CNTNAP2: variants seen among roughly 807,000 people sequenced by gnomAD.
CNTNAP2 encodes the protein contactin associated protein 2.
CNTNAP2 carries 98 observed loss-of-function variants against 155.2 expected under a neutral mutation model. That is an observed-to-expected ratio of 0.63 (90% CI 0.54 to 0.75). CNTNAP2 has a LOEUF of 0.75. Ranked by LOEUF, CNTNAP2 falls within the 30% of genes least tolerant of loss-of-function variation. The pLI, the probability that CNTNAP2 is intolerant of heterozygous loss-of-function variation, is 0.00. For missense variants in CNTNAP2, 1,727 were observed against 1,688.1 expected (o/e 1.02, Z -0.40); for synonymous variants, 651 against 631.2 (o/e 1.03, Z -0.47).
intron 11 of CNTNAP2, among the ~76,000 whole-genome samples, chr7:147,536,654 C>T (rs1799545093): frequency 6.6e-6 from 1 of 152,138 alleles, no homozygotes; most frequent in Admixed American, 6.5e-5. Flanking sequence ...GGAGAGGAGT[C>T]CTGGAGAGGG....
rs1288618662 is a variant in CNTNAP2 at position 147,698,436 on chromosome 7, T to C, written c.2098+59130T>C. 1.3e-5 allele frequency among the ~76,000 whole-genome samples: 2 copies of C among 152,220 alleles called. 1 individual carries two copies. Among genetic ancestry groups the C allele is most frequent in the South Asian group, 4.1e-4 (2 of 4,834 alleles). On this transcript the variant is annotated intron_variant, in intron 13 of 23. Coordinates refer to ENST00000361727, the MANE Select transcript of CNTNAP2 (RefSeq NM_014141.6). ...ATTTAAACATCTATTATTGATAGAT[T>C]TGTTTTAAAATAATGTCAGTTACCA...
intron 11 of CNTNAP2, among the ~76,000 whole-genome samples, chr7:147,556,647 G>A (rs1163253336): frequency 6.6e-6 from 1 of 152,110 alleles, no homozygotes; most frequent in Non-Finnish European, 1.5e-5. Flanking sequence ...AATGTGTGTG[G>A]CCTCTATAAT....
intron 3 of CNTNAP2, among the ~76,000 whole-genome samples, chr7:146,983,398 G>A (rs1798055817): frequency 6.6e-6 from 1 of 151,902 alleles, no homozygotes; most frequent in Non-Finnish European, 1.5e-5. Context: ...TTGAAAAAAG[G>A]TACACAATTT....
chr7:147,524,168 G>A (rs1204446117), intron 11 of CNTNAP2, among the ~76,000 whole-genome samples: 1 of 152,134 alleles, frequency 6.6e-6, no homozygotes, highest in Non-Finnish European at 1.5e-5. Context: ...ATAGTGCTTT[G>A]GTTTTTCTTT....
At chr7:147,896,497 TA>T in intron 13 of CNTNAP2, among the ~76,000 whole-genome samples, 1 of 152,250 alleles carries the variant, frequency 6.6e-6, no homozygotes, top group East Asian at 1.9e-4. Context: ...TCAGAGTTTT[TA>T]AGGACAACTT....
chr7:146,768,637 G>A (rs1802241241), intron 1 of CNTNAP2, among the ~76,000 whole-genome samples: 1 of 151,888 alleles, frequency 6.6e-6, no homozygotes, highest in African/African-American at 2.4e-5. Flanking sequence ...AGAGTGATGT[G>A]TTCAACTCAG....
At chr7:147,834,155 C>T (rs1391435613) in intron 13 of CNTNAP2, among the ~76,000 whole-genome samples, 1 of 152,166 alleles carries the variant, frequency 6.6e-6, no homozygotes, top group Admixed American at 6.6e-5. Flanking sequence ...GGGAACAATA[C>T]ACCCTTTTTC....
intron 3 of CNTNAP2, among the ~76,000 whole-genome samples, chr7:146,911,856 A>T (rs1796290286): frequency 6.6e-6 from 1 of 152,192 alleles, no homozygotes; most frequent in African/African-American, 2.4e-5. Flanking sequence ...CAAGAACATT[A>T]TAACCATTAT....
intron 8 of CNTNAP2, among the ~76,000 whole-genome samples, chr7:147,271,384 ACT>A (rs1804750553): frequency 1.3e-5 from 2 of 151,540 alleles, no homozygotes; most frequent in African/African-American, 4.9e-5. Context: ...GAGTGTAAAA[ACT>A]CTCACAGTCT....
At chr7:147,028,072 G>A (rs938386584) in intron 3 of CNTNAP2, among the ~76,000 whole-genome samples, 5 of 152,176 alleles carry the variant, frequency 3.3e-5, no homozygotes, top group African/African-American at 4.8e-5. Context: ...ATGAGACCTC[G>A]TAGAAGGAGG....
chr7:147,489,751 G>C (rs1012508265), intron 11 of CNTNAP2, among the ~76,000 whole-genome samples: 2 of 152,122 alleles, frequency 1.3e-5, no homozygotes, highest in Admixed American at 6.5e-5. Context: ...AAGTAGCTGG[G>C]ACTACAGGCA....
chr7:146,578,654 A>G (rs1798562376), intron 1 of CNTNAP2, among the ~76,000 whole-genome samples: 1 of 152,106 alleles, frequency 6.6e-6, no homozygotes, highest in Non-Finnish European at 1.5e-5. Context: ...AATATCTCCC[A>G]AACTTCATTT....
chr7:146,307,702 C>T (rs1800740170), intron 1 of CNTNAP2, among the ~76,000 whole-genome samples: 2 of 152,108 alleles, frequency 1.3e-5, no homozygotes, highest in South Asian at 4.1e-4. Flanking sequence ...TGATCTTTGA[C>T]AAACCTGACA....
chr7:147,217,381 G>A (rs1803298410), intron 8 of CNTNAP2, among the ~76,000 whole-genome samples: 1 of 151,640 alleles, frequency 6.6e-6, no homozygotes, highest in South Asian at 2.1e-4. Context: ...TTTTTTTTCA[G>A]ATAATTTCTC....
At chr7:147,761,007 C>A (rs1797290928) in intron 13 of CNTNAP2, among the ~76,000 whole-genome samples, 1 of 152,156 alleles carries the variant, frequency 6.6e-6, no homozygotes, top group Non-Finnish European at 1.5e-5. Flanking sequence ...AAGAAGATTG[C>A]ATTATGGATT....
chr7:147,049,565 C>A (rs553963791), intron 4 of CNTNAP2, among the ~76,000 whole-genome samples: 1 of 152,056 alleles, frequency 6.6e-6, no homozygotes, highest in East Asian at 1.9e-4. Flanking sequence ...GACACAGCCC[C>A]CCATTTTGGC....
At chr7:148,070,819 T>C (rs1274790153) in intron 15 of CNTNAP2, among the ~76,000 whole-genome samples, 2 of 152,124 alleles carry the variant, frequency 1.3e-5, no homozygotes, top group African/African-American at 4.8e-5. Flanking sequence ...TATTCAATAG[T>C]GGTAAACTTT....
chr7:146,395,483 G>C (rs1412098750), intron 1 of CNTNAP2, among the ~76,000 whole-genome samples: 1 of 152,070 alleles, frequency 6.6e-6, no homozygotes, highest in East Asian at 1.9e-4. Context: ...ATTCAGGATG[G>C]GGGTAGGTGA....
chr7:146,121,540 A>G (rs974374781), intron 1 of CNTNAP2, among the ~76,000 whole-genome samples: 3 of 152,276 alleles, frequency 2.0e-5, no homozygotes, highest in East Asian at 3.9e-4. Flanking sequence ...AAGAAATAAA[A>G]CATGTACTTT....
Sources: gnomAD v4.1 joint callset for allele counts (sites outside exome capture counted in the v4.1 genomes callset) on GRCh38, gnomAD v4.1.1 for gene constraint, MANE v1.5 for transcripts, NCBI Gene and HGNC (gene_info 2026-07-23, HGNC 2026-07-21) for gene names.